The following KCNH1 variants were observed in gnomAD, a reference collection of about 807,000 sequenced individuals.
The protein encoded by KCNH1 is voltage-gated delayed rectifier potassium channel KCNH1.
Under a neutral mutation model 69.2 loss-of-function variants are expected in KCNH1, and 27 were observed. That is an observed-to-expected ratio of 0.39 (90% confidence interval 0.29 to 0.54). KCNH1 has a LOEUF of 0.54. Among genes scored for constraint, KCNH1 ranks in the 20% least tolerant of loss-of-function variants. KCNH1 has a pLI of 0.68. For missense variants in KCNH1, 798 were observed against 1,261.6 expected (o/e 0.63, Z 5.57); for synonymous variants, 456 against 487.7 (o/e 0.93, Z 0.86).
intron 7 of KCNH1, among the ~76,000 whole-genome samples, chr1:210,856,339 C>A (rs141630185): frequency 1.3e-5 from 2 of 152,242 alleles, no homozygotes; most frequent in East Asian, 1.9e-4. Context: ...AAAACTTAAA[C>A]GTCAGTTGCT....
At chr1:211,027,022 A>G (rs1689696356) in intron 5 of KCNH1, among the ~76,000 whole-genome samples, 1 of 152,154 alleles carries the variant, frequency 6.6e-6, no homozygotes, top group Non-Finnish European at 1.5e-5. Flanking sequence ...TCCAGAGACT[A>G]CCCAAATGCC....
intron 9 of KCNH1, among the ~76,000 whole-genome samples, chr1:210,782,726 CAAAAAAAAAAGAAAGA>C (rs1266183228): frequency 1.4e-5 from 2 of 143,478 alleles, no homozygotes; most frequent in Non-Finnish European, 3.1e-5. Flanking sequence ...AACTCCGTCT[CAAAAAAAAAAGAAAGA>C]AAGAAAAAAA....
chr1:211,010,399 A>G (rs1689372237), intron 6 of KCNH1, among the ~76,000 whole-genome samples: 1 of 152,180 alleles, frequency 6.6e-6, no homozygotes, highest in Non-Finnish European at 1.5e-5. Flanking sequence ...ATGGAAGTCC[A>G]TGATGGCTTC....
At chr1:211,018,640 A>G (rs1689536476) in intron 6 of KCNH1, 143 bp downstream of exon 6, 9 of 704,918 alleles carry the variant, frequency 1.3e-5, no homozygotes, top group Middle Eastern at 3.9e-4. Context: ...AACAGCAGGC[A>G]AGGGTATCTA....
At chr1:210,950,135 A>G (rs1005897124) in intron 6 of KCNH1, among the ~76,000 whole-genome samples, 4 of 152,162 alleles carry the variant, frequency 2.6e-5, no homozygotes, top group African/African-American at 9.7e-5. Flanking sequence ...GTCTCCCTCC[A>G]GAGTGCCACC....
At chr1:211,110,708 A>G (rs1198109876) in intron 1 of KCNH1, among the ~76,000 whole-genome samples, 1 of 152,114 alleles carries the variant, frequency 6.6e-6, no homozygotes, top group Non-Finnish European at 1.5e-5. Context: ...GATAGTGTGT[A>G]CAGCTGATTT....
At chr1:210,864,823 G>A (rs1277683048) in intron 7 of KCNH1, among the ~76,000 whole-genome samples, 1 of 152,168 alleles carries the variant, frequency 6.6e-6, no homozygotes, top group Non-Finnish European at 1.5e-5. Context: ...TCAAAGACTG[G>A]GATGACTTAG....
chr1:211,015,726 G>C (rs559964089), intron 6 of KCNH1, among the ~76,000 whole-genome samples: 5 of 152,300 alleles, frequency 3.3e-5, no homozygotes, highest in African/African-American at 1.2e-4. Flanking sequence ...CCAAGATGTA[G>C]ATAGGAAAAC....
rs909954581 is a variant in KCNH1 at position 210,861,596 on chromosome 1, A to G, written c.1463-57430T>C. ...CCATTCTGTCAGGTTCTGTTGGTTT[A>G]TCAGTTCCAGTGGTATAGAGTATAG... is the stretch of plus-strand genomic sequence containing the variant. On this transcript the variant is annotated intron_variant, in intron 7 of 10. Transcript: ENST00000271751. The G allele has an allele frequency of 3.9e-6, 3 of 771,864 alleles. No homozygotes were observed. In the African/African-American group the frequency reaches 5.1e-5, roughly 13 times the overall value. The allele number at this position is 771,864 out of a possible 1,614,324, so 47.8% of individuals were successfully genotyped here.
At chr1:210,836,400 G>A (rs1685284288) in intron 7 of KCNH1, among the ~76,000 whole-genome samples, 1 of 152,154 alleles carries the variant, frequency 6.6e-6, no homozygotes, top group South Asian at 2.1e-4. Flanking sequence ...AAGCCTGCCA[G>A]GAAATTACCT....
rs138753813 is a variant in KCNH1, at chr1:211,129,357, G to A, written c.79+4510C>T. On this transcript the variant is annotated intron_variant, in intron 1 of 10. Coordinates refer to ENST00000271751, the MANE Select transcript of KCNH1 (RefSeq NM_172362.3). ...CAACCATATATGCAGAGCTGGCATC[G>A]GAAACAATGAAGCCAAGGATTCAGT... 3.9e-5 allele frequency among the ~76,000 whole-genome samples: 6 copies of A among 152,282 alleles called. No individual in the cohort carries two copies. In the East Asian group the frequency reaches 9.6e-4, roughly 24 times the overall value.
At chr1:210,885,277 G>A (rs1387785931) in intron 7 of KCNH1, among the ~76,000 whole-genome samples, 1 of 152,184 alleles carries the variant, frequency 6.6e-6, no homozygotes, top group African/African-American at 2.4e-5. Context: ...AAGCAGGGTG[G>A]GGCATCACCT....
chr1:210,709,722 A>AAGAGAG (rs71831798), intron 10 of KCNH1, among the ~76,000 whole-genome samples: 2 of 99,972 alleles, frequency 2.0e-5, no homozygotes, highest in Admixed American at 1.0e-4. Flanking sequence ...AGAAAGAAAG[A>AAGAGAG]AGAGAGAGAG....
At chr1:210,802,758 T>C (rs149691583) in intron 8 of KCNH1, among the ~76,000 whole-genome samples, 2 of 152,326 alleles carry the variant, frequency 1.3e-5, no homozygotes, top group African/African-American at 4.8e-5. Flanking sequence ...ATTGATGTTC[T>C]GGTCAAGTCA....
intron 9 of KCNH1, among the ~76,000 whole-genome samples, chr1:210,784,349 A>G (rs1777256): frequency 0.61 from 93,246 of 152,144 alleles, 29,071 homozygotes; most frequent in African/African-American, 0.67. Flanking sequence ...ATGTGACCTT[A>G]TTTTATCTGC....
intron 6 of KCNH1, among the ~76,000 whole-genome samples, chr1:210,983,680 T>C (rs1336423933): frequency 7.9e-5 from 12 of 152,212 alleles, no homozygotes; most frequent in Non-Finnish European, 1.5e-5. Flanking sequence ...TGTAGCCTTG[T>C]AGTGTAGTTT....
At chr1:210,684,193 G>A (rs2149001376) in intron 10 of KCNH1, 55 bp from the exon 11 acceptor site, 7 of 1,471,038 alleles carry the variant, frequency 4.8e-6, no homozygotes, top group South Asian at 1.5e-5. Flanking sequence ...GCTGGCTGCA[G>A]CAGCCCAGCT....
chr1:210,834,010 G>C (rs1165348968), intron 7 of KCNH1, among the ~76,000 whole-genome samples: 1 of 152,176 alleles, frequency 6.6e-6, no homozygotes, highest in Non-Finnish European at 1.5e-5. Context: ...AGTTAGAATG[G>C]CAATCATTAA....
chr1:210,710,352 CTATAAA>C (rs201636184), intron 10 of KCNH1, among the ~76,000 whole-genome samples: 3,145 of 151,800 alleles, frequency 0.021, 40 homozygotes, highest in Middle Eastern at 0.048. Flanking sequence ...CTACTATAGA[CTATAAA>C]CAGTATATGT....
Sources: gnomAD v4.1 joint callset for allele counts (sites outside exome capture counted in the v4.1 genomes callset) on GRCh38, gnomAD v4.1.1 for gene constraint, MANE v1.5 for transcripts, NCBI Gene and HGNC (gene_info 2026-07-23, HGNC 2026-07-21) for gene names.